Variants in CCDC149 observed in about 807,000 individuals in gnomAD.
CCDC149 encodes the protein coiled-coil domain containing 149, also known as coiled-coil domain-containing protein 149.
In CCDC149, 45 loss-of-function variants were observed where a neutral mutation model predicts 59.9. The observed-to-expected ratio is 0.75, with a 90% CI of 0.59 to 0.96. The LOEUF (loss-of-function observed/expected upper bound fraction) is 0.96, where lower values mean the gene tolerates loss of function less well. Ranked by LOEUF, CCDC149 falls within the 40% of genes least tolerant of loss-of-function variation. CCDC149 has a pLI of 0.00. For missense variants in CCDC149, 584 were observed against 664.7 expected (o/e 0.88, Z 1.33); for synonymous variants, 245 against 260.6 (o/e 0.94, Z 0.58).
chr4:24,963,551 C>T (rs1039281395), intron 1 of CCDC149, among the ~76,000 whole-genome samples: 2 of 152,142 alleles, frequency 1.3e-5, no homozygotes. Context: ...TTCCTCTCTC[C>T]CCTGGAGTCA....
chr4:24,936,036 C>T (rs1722771054), intron 1 of CCDC149, among the ~76,000 whole-genome samples: 1 of 152,158 alleles, frequency 6.6e-6, no homozygotes, highest in Non-Finnish European at 1.5e-5. Flanking sequence ...AGGCAATGCT[C>T]ACCCAAGCTG....
intron 1 of CCDC149, among the ~76,000 whole-genome samples, chr4:24,887,339 G>A (rs1014829235): frequency 1.3e-5 from 2 of 152,040 alleles, no homozygotes; most frequent in East Asian, 1.9e-4. Flanking sequence ...CTGGTCCTTC[G>A]CGATTTTTAC....
intron 3 of CCDC149, among the ~76,000 whole-genome samples, chr4:24,866,274 A>G (rs1718687788): frequency 6.6e-6 from 1 of 152,158 alleles, no homozygotes; most frequent in Non-Finnish European, 1.5e-5. Flanking sequence ...CTCCTGGACC[A>G]TGAGAGATAC....
At chr4:24,922,161 C>G (rs1245146018) in intron 1 of CCDC149, among the ~76,000 whole-genome samples, 1 of 152,176 alleles carries the variant, frequency 6.6e-6, no homozygotes, top group Non-Finnish European at 1.5e-5. Flanking sequence ...AGTATTTCAT[C>G]TTAACTAATT....
chr4:24,962,397 G>A (rs1216730726), intron 1 of CCDC149, among the ~76,000 whole-genome samples: 1 of 152,206 alleles, frequency 6.6e-6, no homozygotes, highest in African/African-American at 2.4e-5. Flanking sequence ...GTGGAAGTCA[G>A]TGTGGCGATT....
intron 1 of CCDC149, among the ~76,000 whole-genome samples, chr4:24,927,900 A>T (rs1373979622): frequency 1.3e-5 from 2 of 152,242 alleles, no homozygotes; most frequent in East Asian, 3.9e-4. Context: ...GTGCACATCC[A>T]TGAAATCTAA....
chr4:24,920,487 A>G (rs992075019), intron 1 of CCDC149, among the ~76,000 whole-genome samples: 2 of 152,230 alleles, frequency 1.3e-5, no homozygotes, highest in Non-Finnish European at 2.9e-5. Flanking sequence ...GAGGAAACAG[A>G]AGTTACCAGT....
At chr4:24,962,079 T>C (rs1723648786) in intron 1 of CCDC149, among the ~76,000 whole-genome samples, 1 of 151,040 alleles carries the variant, frequency 6.6e-6, no homozygotes, top group African/African-American at 2.4e-5. Context: ...AGGGCTAATA[T>C]CCAGAATCTA....
At chr4:24,842,705 G>A (rs1194453269) in intron 4 of CCDC149, among the ~76,000 whole-genome samples, 5 of 152,178 alleles carry the variant, frequency 3.3e-5, no homozygotes, top group Non-Finnish European at 5.9e-5. Context: ...GCTTCTGGGT[G>A]TCCTGCCCCC....
intron 1 of CCDC149, among the ~76,000 whole-genome samples, chr4:24,891,472 G>T (rs1720526100): frequency 6.6e-6 from 1 of 152,296 alleles, no homozygotes; most frequent in East Asian, 1.9e-4. Context: ...GCAAGCCAAT[G>T]ATGGGCATGA....
chr4:24,803,996 T>C (rs559844653), downstream of CCDC149, among the ~76,000 whole-genome samples: 653 of 152,290 alleles, frequency 4.3e-3, no homozygotes, highest in Non-Finnish European at 7.9e-3. The surrounding 1 kb of genome is among the most constrained non-coding windows in gnomAD (Gnocchi z 4.3). Flanking sequence ...ATTGCATCTC[T>C]CTGATCTACA....
intron 1 of CCDC149, among the ~76,000 whole-genome samples, chr4:24,928,424 C>T (rs1441474640): frequency 1.3e-5 from 2 of 152,114 alleles, no homozygotes; most frequent in Non-Finnish European, 2.9e-5. Context: ...CTGAAGGATG[C>T]CTAGGAATTC....
intron 12 of CCDC149, among the ~76,000 whole-genome samples, chr4:24,813,496 A>ATATCTATATCTATC (rs1560197539): frequency 6.2e-4 from 7 of 11,264 alleles, no homozygotes; most frequent in African/African-American, 1.7e-3. Context: ...GGGAATATAT[A>ATATCTATATCTATC]TATATATATA....
intron 4 of CCDC149, among the ~76,000 whole-genome samples, chr4:24,839,693 GAGGCCCAAGA>G (rs1160221520): frequency 6.6e-6 from 1 of 152,180 alleles, no homozygotes; most frequent in East Asian, 1.9e-4. Flanking sequence ...AACTGTGTGA[GAGGCCCAAGA>G]AGGCCCCAGT....
In CCDC149 at chr4:24,906,577, T is replaced by C. The variant is rs886341593; in HGVS notation, c.63+6240A>G. Among the ~76,000 whole-genome samples, 3 of 151,650 alleles carry C rather than the reference T, an allele frequency of 2.0e-5. No homozygotes were observed. In the East Asian group the frequency reaches 5.8e-4, roughly 29 times the overall value. On this transcript the variant is annotated intron_variant, in intron 1 of 12. Coordinates refer to ENST00000635206, the MANE Select transcript of CCDC149 (RefSeq NM_001330643.2). ...TACGCCCAGCTGATTTTTGCATTTT[T>C]AGTAGAGACGAGGTTTTGCCATGTT...
intron 1 of CCDC149, among the ~76,000 whole-genome samples, chr4:24,879,119 G>A (rs1488551036): frequency 6.6e-6 from 1 of 152,214 alleles, no homozygotes; most frequent in African/African-American, 2.4e-5. Context: ...AGCCTCATTT[G>A]TAAAGTAGCT....
chr4:24,808,855 C>A, intron 12 of CCDC149, 36 bp from the exon 13 acceptor site: 1 of 1,500,594 alleles, frequency 6.7e-7, no homozygotes, highest in Non-Finnish European at 8.9e-7. Flanking sequence ...AAACCTCTGG[C>A]AGCAAATCAG....
At chr4:24,910,025 AAAC>A (rs1420581717) in intron 1 of CCDC149, among the ~76,000 whole-genome samples, 1 of 152,226 alleles carries the variant, frequency 6.6e-6, no homozygotes, top group Non-Finnish European at 1.5e-5. Context: ...GGGTGGCTTA[AAAC>A]AACAGGAGTG....
chr4:24,954,440 A>G (rs4697503), intron 1 of CCDC149, among the ~76,000 whole-genome samples: 26,956 of 152,098 alleles, frequency 0.18, 3,213 homozygotes, highest in African/African-American at 0.33. Context: ...GGGCTCTGAG[A>G]CTATCCAAGA....
Sources: allele counts gnomAD v4.1 joint callset (sites outside exome capture counted in the v4.1 genomes callset), GRCh38; gene constraint gnomAD v4.1.1; non-coding constraint Gnocchi (gnomAD v3.1); transcripts MANE v1.5; gene names NCBI Gene and HGNC (gene_info 2026-07-23, HGNC 2026-07-21).